The following TRIO variants were observed in gnomAD, a reference collection of about 807,000 sequenced individuals.
The protein encoded by TRIO is triple functional domain protein.
In TRIO, 58 loss-of-function variants were observed where a neutral mutation model predicts 351.9. The observed-to-expected ratio is 0.16, with a 90% CI of 0.13 to 0.21. The LOEUF is 0.21. Ranked by LOEUF, TRIO falls within the 10% of genes least tolerant of loss-of-function variation. The pLI is 1.00. For synonymous variants in TRIO, 1,758 were observed against 1,595.7 expected, an observed-to-expected ratio of 1.10 and a Z score of -2.42; for missense variants, 3,201 against 4,027.8, an observed-to-expected ratio of 0.79 and a Z score of 5.56.
intron 31 of TRIO, among the ~76,000 whole-genome samples, chr5:14,403,960 T>TGTGGTGAGGGTACAG (rs1399673288): frequency 2.0e-5 from 1 of 50,976 alleles, no homozygotes; most frequent in Non-Finnish European, 3.9e-5. Context: ...GGGTGTAGGT[T>TGTGGTGAGGGTACAG]GTGGTGAGGG....
chr5:14,389,429 G>A lies in TRIO; in HGVS notation c.4058+31G>A, dbSNP rs202098298. The A allele has an allele frequency of 5.3e-5, 79 of 1,499,518 alleles. 1 individual carries two copies. Among genetic ancestry groups the A allele is most frequent in the East Asian group, 3.3e-4 (14 of 42,588 alleles). The allele number at this position is 1,499,518 out of a possible 1,614,324, so 92.9% of individuals were successfully genotyped here. A position where few individuals can be genotyped will look rare whatever the true frequency, so the allele number is the denominator to read the frequency against. On this transcript the variant is annotated intron_variant, in intron 25 of 56. Transcript: ENST00000344204. ...TGGCTTTTTCTTTGGGAGCAGTTAC[G>A]CTTGAAATCCATGTGCTGAAGTTTC...
chr5:14,219,497 A>G (rs1366881832), intron 1 of TRIO, among the ~76,000 whole-genome samples: 1 of 152,208 alleles, frequency 6.6e-6, no homozygotes, highest in East Asian at 1.9e-4. Context: ...TGGCTCTATC[A>G]AAGCCTTAGG....
intron 1 of TRIO, among the ~76,000 whole-genome samples, chr5:14,173,707 G>A (rs1789242867): frequency 6.6e-6 from 1 of 152,194 alleles, no homozygotes; most frequent in Non-Finnish European, 1.5e-5. Flanking sequence ...CTACGCTTAG[G>A]ACAGATTAAG....
chr5:14,193,530 A>C (rs1790573483), intron 1 of TRIO, among the ~76,000 whole-genome samples: 1 of 152,160 alleles, frequency 6.6e-6, no homozygotes, highest in African/African-American at 2.4e-5. Context: ...TTTATGTTCA[A>C]AATAGTGTTT....
At chr5:14,228,786 G>A (rs927357623) in intron 1 of TRIO, among the ~76,000 whole-genome samples, 6 of 152,066 alleles carry the variant, frequency 3.9e-5, no homozygotes, top group Admixed American at 6.6e-5. Context: ...CAGGAGAATC[G>A]CTTGAACCCG....
At chr5:14,287,811 CT>C (rs1275882027) in intron 4 of TRIO, among the ~76,000 whole-genome samples, 2 of 152,154 alleles carry the variant, frequency 1.3e-5, no homozygotes, top group African/African-American at 4.8e-5. Flanking sequence ...ATAAGAAATA[CT>C]TTTTGGTTGA....
At chr5:14,448,928 A>T (rs1752640501) in intron 34 of TRIO, among the ~76,000 whole-genome samples, 1 of 152,112 alleles carries the variant, frequency 6.6e-6, no homozygotes, top group East Asian at 1.9e-4. Flanking sequence ...CATACTGTTC[A>T]TCTTCCCAAA....
At chr5:14,406,401 G>A in intron 32 of TRIO, 172 bp from the exon 33 acceptor site, 1 of 651,772 alleles carries the variant, frequency 1.5e-6, no homozygotes, top group Non-Finnish European at 2.7e-6. Context: ...ACTCAGCACA[G>A]TGCCTAGCAG....
At chr5:14,325,477 T>C (rs935435989) in intron 9 of TRIO, among the ~76,000 whole-genome samples, 2 of 152,112 alleles carry the variant, frequency 1.3e-5, no homozygotes, top group Non-Finnish European at 2.9e-5. Context: ...CTGGGCTCTT[T>C]TCAACAATGA....
At chr5:14,484,251 A>T (rs1356540186) in intron 46 of TRIO, among the ~76,000 whole-genome samples, 1 of 152,246 alleles carries the variant, frequency 6.6e-6, no homozygotes, top group Non-Finnish European at 1.5e-5. Flanking sequence ...TAATCATGAT[A>T]TCACATACAA....
chr5:14,486,323 G>GT (rs1036855664), intron 47 of TRIO, among the ~76,000 whole-genome samples: 3 of 152,196 alleles, frequency 2.0e-5, no homozygotes, highest in African/African-American at 7.2e-5. Context: ...TACACCTTGC[G>GT]TGATGTTCAA....
At chr5:14,295,170 T>G (rs926671377) in intron 6 of TRIO, among the ~76,000 whole-genome samples, 7 of 152,156 alleles carry the variant, frequency 4.6e-5, no homozygotes, top group African/African-American at 1.4e-4. Context: ...CTATAGTGTT[T>G]TGAACAATTT....
intron 1 of TRIO, among the ~76,000 whole-genome samples, chr5:14,189,309 T>A (rs1790320617): frequency 6.6e-6 from 1 of 152,212 alleles, no homozygotes; most frequent in Non-Finnish European, 1.5e-5. Flanking sequence ...CATGGTTTGA[T>A]GAAGTACTTA....
chr5:14,226,472 T>C (rs1793040231), intron 1 of TRIO, among the ~76,000 whole-genome samples: 1 of 152,200 alleles, frequency 6.6e-6, no homozygotes, highest in Non-Finnish European at 1.5e-5. Context: ...ACAAACAGAA[T>C]AATTTTACTT....
At chr5:14,243,520 A>G (rs1241651079) in intron 1 of TRIO, among the ~76,000 whole-genome samples, 1 of 152,134 alleles carries the variant, frequency 6.6e-6, no homozygotes, top group Non-Finnish European at 1.5e-5. Context: ...TAATTAGAAA[A>G]TGATTTTTGG....
chr5:14,414,011 T>A (rs1265570774), intron 33 of TRIO, among the ~76,000 whole-genome samples: 1 of 152,224 alleles, frequency 6.6e-6, no homozygotes, highest in Admixed American at 6.5e-5. Flanking sequence ...TATTTCAAAT[T>A]AAGCTTCCTC....
At chr5:14,183,914 T>G in intron 1 of TRIO, 1 of 695,716 alleles carries the variant, frequency 1.4e-6, no homozygotes, top group Non-Finnish European at 2.6e-6. Context: ...GTGGTAACCG[T>G]TTTTTAAAAA....
At chr5:14,343,866 C>T (rs993665775) in intron 11 of TRIO, among the ~76,000 whole-genome samples, 7 of 152,158 alleles carry the variant, frequency 4.6e-5, no homozygotes, top group Non-Finnish European at 1.0e-4. Context: ...ATGAGCGTAC[C>T]ATGGTACATT....
intron 11 of TRIO, among the ~76,000 whole-genome samples, chr5:14,343,105 AAG>A (rs1169316177): frequency 1.6e-5 from 2 of 124,472 alleles, no homozygotes; most frequent in Non-Finnish European, 3.7e-5. Flanking sequence ...AAAAAAAAAA[AAG>A]AGAGAGAAAT....
Sources: gnomAD v4.1 joint callset for allele counts (sites outside exome capture counted in the v4.1 genomes callset) on GRCh38, gnomAD v4.1.1 for gene constraint, MANE v1.5 for transcripts, NCBI Gene and HGNC (gene_info 2026-07-23, HGNC 2026-07-21) for gene names.